Variants in NSD1 observed in about 807,000 individuals in gnomAD.
NSD1 encodes nuclear receptor binding SET domain protein 1.
A neutral mutation model predicts 242.7 loss-of-function variants in NSD1; 26 were observed. The ratio of observed to expected loss-of-function variants is 0.11; its 90% CI spans 0.08 to 0.15. The LOEUF (loss-of-function observed/expected upper bound fraction) is 0.15. Among genes scored for constraint, NSD1 ranks in the 10% least tolerant of loss-of-function variants. The pLI, the probability that NSD1 is intolerant of heterozygous loss-of-function variation, is 1.00. For synonymous variants in NSD1, 1,106 were observed against 1,178.1 expected (o/e 0.94, Z 1.25); for missense variants, 2,495 against 3,272.8 (o/e 0.76, Z 5.80).
chr5:177,288,038 A>T (rs978524014), intron 20 of NSD1, among the ~76,000 whole-genome samples: 2 of 152,222 alleles, frequency 1.3e-5, no homozygotes, highest in African/African-American at 4.8e-5. Context: ...TACCCCTGTG[A>T]TAGGCAACCT....
intron 21 of NSD1, among the ~76,000 whole-genome samples, 169 bp downstream of exon 21, chr5:177,289,094 C>T (rs1465096520): frequency 6.6e-6 from 1 of 151,990 alleles, no homozygotes; most frequent in Non-Finnish European, 1.5e-5. Flanking sequence ...CTGAGGTGGG[C>T]GGATCACCTG....
At chr5:177,148,437 GT>G (rs567146595) in intron 2 of NSD1, among the ~76,000 whole-genome samples, 1 of 148,318 alleles carries the variant, frequency 6.7e-6, no homozygotes, top group African/African-American at 2.5e-5. Context: ...TTGTTTTTTT[GT>G]TTTTTTGAGA....
intron 14 of NSD1, among the ~76,000 whole-genome samples, chr5:177,262,362 G>T (rs999626948): frequency 2.5e-5 from 1 of 40,544 alleles, no homozygotes; most frequent in Admixed American, 2.1e-4. Context: ...AGCTATTCAG[G>T]TGGCCAAGGT....
chr5:177,265,448 C>CGAT, intron 14 of NSD1: 1 of 614,766 alleles, frequency 1.6e-6, no homozygotes, highest in Non-Finnish European at 2.9e-6. Context: ...CTCCCCATCC[C>CGAT]CCCAGCCCAG....
chr5:177,158,286 TTTCTTTCTTTCTTTC>T (rs869061502), intron 2 of NSD1, among the ~76,000 whole-genome samples: 16 of 87,422 alleles, frequency 1.8e-4, no homozygotes, highest in African/African-American at 8.5e-4. Flanking sequence ...TCTTTCTTTC[TTTCTTTCTTTCTTTC>T]TTTTCTTTCT....
chr5:177,208,152 C>T (rs763528936), intron 4 of NSD1, among the ~76,000 whole-genome samples: 3 of 152,128 alleles, frequency 2.0e-5, no homozygotes, highest in South Asian at 4.1e-4. Context: ...AGAATCTTGA[C>T]TAATACCTAT....
intron 11 of NSD1, among the ~76,000 whole-genome samples, chr5:177,249,748 A>G (rs563641435): frequency 6.6e-6 from 1 of 152,272 alleles, no homozygotes; most frequent in South Asian, 2.1e-4. Context: ...CGGCCTCCCA[A>G]AGTGCTGGGA....
At chr5:177,175,269 T>C (rs1395852019) in intron 2 of NSD1, among the ~76,000 whole-genome samples, 5 of 152,184 alleles carry the variant, frequency 3.3e-5, no homozygotes, top group Admixed American at 3.3e-4. Context: ...AGGTTATGCT[T>C]AATTTTCCGT....
At position 177,289,975 on chromosome 5, in the gene NSD1, C is replaced by G. The variant is rs574958976; in HGVS notation, c.6258+1050C>G. Among the ~76,000 whole-genome samples, 1,336 of 151,432 alleles carry G rather than the reference C, an allele frequency of 8.8e-3. 16 individuals are homozygous for G. The highest frequency in any genetic ancestry group is 0.013 in the Non-Finnish European group (913 of 67,862). ...CCTGAGTAGCTGGAACTACAGGCGC[C>G]CGCCACCATGCCCGGCTAATTTTTT... On this transcript the variant is annotated intron_variant, in intron 21 of 22. Coordinates refer to ENST00000439151, the MANE Select transcript of NSD1 (RefSeq NM_022455.5).
intron 2 of NSD1, among the ~76,000 whole-genome samples, chr5:177,186,368 G>A (rs932151615): frequency 6.6e-6 from 1 of 151,606 alleles, no homozygotes; most frequent in Non-Finnish European, 1.5e-5. Flanking sequence ...GGATATGTCT[G>A]GGAAGAGATT....
chr5:177,197,777 C>T (rs761150562), intron 3 of NSD1, among the ~76,000 whole-genome samples: 43 of 152,040 alleles, frequency 2.8e-4, no homozygotes, highest in Non-Finnish European at 4.6e-4. Flanking sequence ...AGTTTAAGGA[C>T]GATGTGGTCA....
intron 4 of NSD1, among the ~76,000 whole-genome samples, chr5:177,209,343 T>C (rs1313223197): frequency 1.3e-5 from 2 of 151,440 alleles, no homozygotes; most frequent in East Asian, 3.9e-4. Context: ...GCCTGGCCAA[T>C]ATGGTGAAAC....
At chr5:177,225,705 TCTTTTC>T (rs1764583912) in intron 5 of NSD1, among the ~76,000 whole-genome samples, 1 of 152,214 alleles carries the variant, frequency 6.6e-6, no homozygotes, top group Non-Finnish European at 1.5e-5. Flanking sequence ...GCAGATGATG[TCTTTTC>T]CTTAAGAATA....
chr5:177,257,816 T>TC (rs1290096993), intron 13 of NSD1, among the ~76,000 whole-genome samples: 1 of 126,634 alleles, frequency 7.9e-6, no homozygotes, highest in Non-Finnish European at 1.8e-5. Context: ...CCTGGGCTTT[T>TC]TTTTTATTTT....
chr5:177,247,866 G>A (rs1001836191), intron 10 of NSD1: 1 of 957,258 alleles, frequency 1.0e-6, no homozygotes, highest in African/African-American at 1.8e-5. Flanking sequence ...AGGAAACACT[G>A]ATCTTGGAAG....
rs957210124 is a variant in NSD1 at position 177,296,950 on chromosome 5, T to C, written c.*1491T>C. On this transcript the variant is annotated 3_prime_UTR_variant, in exon 23 of 23. Transcript: ENST00000439151. ...CGGCCCTAACGTCTCCTGGCCATTA[T>C]CTCTTAGTTATGGCTTTCACGCTCT... 1 of 233,354 alleles carries C rather than the reference T, an allele frequency of 4.3e-6. No homozygotes were observed. Among genetic ancestry groups the C allele is most frequent in the Non-Finnish European group, 8.5e-6 (1 of 118,080 alleles). 14.5% of individuals were successfully genotyped at this position (233,354 alleles called of 1,614,324 possible).
chr5:177,241,606 C>T (rs1405177860), intron 8 of NSD1, among the ~76,000 whole-genome samples: 1 of 152,048 alleles, frequency 6.6e-6, no homozygotes, highest in African/African-American at 2.4e-5. Flanking sequence ...AACTCTTCGT[C>T]ACGGTTGAAT....
intron 16 of NSD1, among the ~76,000 whole-genome samples, chr5:177,271,912 AGGAG>A (rs1757970324): frequency 6.6e-6 from 1 of 152,134 alleles, no homozygotes; most frequent in African/African-American, 2.4e-5. Context: ...CTATGGGGTC[AGGAG>A]TTTGAGACCA....
chr5:177,228,364 G>T (rs1178615971), intron 5 of NSD1, among the ~76,000 whole-genome samples: 1 of 150,834 alleles, frequency 6.6e-6, no homozygotes, highest in Admixed American at 6.6e-5. Flanking sequence ...CTACAGACAT[G>T]CACCACCACG....
Sources: gnomAD v4.1 joint callset for allele counts (sites outside exome capture counted in the v4.1 genomes callset) on GRCh38, gnomAD v4.1.1 for gene constraint, MANE v1.5 for transcripts, NCBI Gene and HGNC (gene_info 2026-07-23, HGNC 2026-07-21) for gene names.